CCDC158: variants seen among roughly 807,000 people sequenced by gnomAD.
CCDC158 encodes coiled-coil domain-containing protein 158.
A neutral mutation model predicts 138.6 loss-of-function variants in CCDC158; 116 were observed. The ratio of observed to expected loss-of-function variants is 0.84; its 90% CI spans 0.72 to 0.98. The LOEUF is 0.98. Ranked by LOEUF, CCDC158 falls within the 50% of genes least tolerant of loss-of-function variation. The pLI, the probability that CCDC158 is intolerant of heterozygous loss-of-function variation, is 0.00. For synonymous variants in CCDC158, 436 were observed against 442.4 expected (o/e 0.99, Z 0.18); for missense variants, 1,265 against 1,306.1 (o/e 0.97, Z 0.48).
chr4:76,382,029 C>T (rs1393428059), intron 8 of CCDC158, among the ~76,000 whole-genome samples: 1 of 152,164 alleles, frequency 6.6e-6, no homozygotes. Flanking sequence ...TGGGATATTA[C>T]AAATCTGAAT....
At chr4:76,375,511 T>C (rs899841584) in intron 9 of CCDC158, 5 of 699,642 alleles carry the variant, frequency 7.1e-6, no homozygotes, top group African/African-American at 7.0e-5. Context: ...CAGCCAGTGC[T>C]ACTAAATCAT....
Position 76,334,021 on chromosome 4 carries a change from C to T in CCDC158, c.2811G>A (p.Leu937=). ...GCACACAGCCTTACACAGCCACATA[C>T]AAGGCTCCCAGAGATGTTCTTCCAT... ...EEDGRTSLGA[L]YVAVEDRVRD... is the part of the protein sequence containing the mutation. The change falls in exon 19 of 25, where the codon TTG becomes TTA. Residue 937 remains leucine, a synonymous_variant. Coordinates refer to ENST00000682701, the MANE Select transcript of CCDC158 (RefSeq NM_001394954.1). 1 of 1,609,926 alleles carries T rather than the reference C, an allele frequency of 6.2e-7. No individual in the cohort carries two copies. Among genetic ancestry groups the T allele is most frequent in the South Asian group, 1.1e-5 (1 of 90,468 alleles).
intron 18 of CCDC158, among the ~76,000 whole-genome samples, chr4:76,348,932 T>C (rs1722814789): frequency 6.6e-6 from 1 of 152,168 alleles, no homozygotes; most frequent in African/African-American, 2.4e-5. Context: ...CTCAAATTGA[T>C]GAAGATTTCA....
chr4:76,342,105 C>T (rs185808290), intron 18 of CCDC158, among the ~76,000 whole-genome samples: 1 of 152,116 alleles, frequency 6.6e-6, no homozygotes, highest in African/African-American at 2.4e-5. Context: ...GAGTCCTACT[C>T]TGCTGCCCAG....
At chr4:76,396,613 C>G in intron 3 of CCDC158, 127 bp from the exon 4 acceptor site, 1 of 632,860 alleles carries the variant, frequency 1.6e-6, no homozygotes, top group Non-Finnish European at 2.7e-6. Context: ...CGGGTTCAAG[C>G]AATTCTCCTG....
chr4:76,363,611 G>A (rs1163827706), intron 12 of CCDC158, among the ~76,000 whole-genome samples: 5 of 152,108 alleles, frequency 3.3e-5, no homozygotes, highest in Non-Finnish European at 5.9e-5. Context: ...GACAGTCTGG[G>A]AAGAGCTCTG....
At chr4:76,326,786 C>G (rs984867617) in intron 22 of CCDC158, among the ~76,000 whole-genome samples, 1 of 152,044 alleles carries the variant, frequency 6.6e-6, no homozygotes, top group East Asian at 1.9e-4. Flanking sequence ...CTATACTCAG[C>G]AAAAATATTC....
At chr4:76,325,317 T>C (rs1354861382) in intron 23 of CCDC158, among the ~76,000 whole-genome samples, 2 of 152,238 alleles carry the variant, frequency 1.3e-5, no homozygotes, top group Non-Finnish European at 2.9e-5. Context: ...GTCACTGTCA[T>C]ACATGATGAG....
At chr4:76,346,770 A>G (rs533879564) in intron 18 of CCDC158, among the ~76,000 whole-genome samples, 35 of 152,284 alleles carry the variant, frequency 2.3e-4, no homozygotes, top group African/African-American at 7.7e-4. Context: ...AAATTTTTGC[A>G]ATCTATCTAT....
chr4:76,392,873 A>G (rs935988290), intron 4 of CCDC158, among the ~76,000 whole-genome samples: 1 of 152,024 alleles, frequency 6.6e-6, no homozygotes, highest in East Asian at 1.9e-4. Context: ...AAATCAAAAA[A>G]GTAATCCCAT....
intron 24 of CCDC158, among the ~76,000 whole-genome samples, chr4:76,319,582 G>C: frequency 7.7e-6 from 1 of 130,162 alleles, no homozygotes; most frequent in Non-Finnish European, 1.6e-5. Context: ...ATATCAAAAA[G>C]ATAATACACC....
intron 24 of CCDC158, among the ~76,000 whole-genome samples, chr4:76,314,179 G>T (rs961703561): frequency 1.3e-5 from 2 of 152,128 alleles, no homozygotes; most frequent in Non-Finnish European, 2.9e-5. Flanking sequence ...TTCAAGAGGC[G>T]TCCCATCCAG....
chr4:76,368,110 T>C (rs1329175547), intron 11 of CCDC158, among the ~76,000 whole-genome samples: 3 of 152,122 alleles, frequency 2.0e-5, no homozygotes, highest in Non-Finnish European at 4.4e-5. Context: ...CATATGCTAA[T>C]TAGACCAAGG....
At chr4:76,320,294 A>T (rs1010361198) in intron 24 of CCDC158, among the ~76,000 whole-genome samples, 11 of 152,210 alleles carry the variant, frequency 7.2e-5, no homozygotes, top group African/African-American at 2.7e-4. Context: ...ATCATAGACA[A>T]CACACACAAA....
At chr4:76,393,202 TG>T (rs898401364) in intron 4 of CCDC158, among the ~76,000 whole-genome samples, 8 of 151,812 alleles carry the variant, frequency 5.3e-5, no homozygotes, top group Non-Finnish European at 1.5e-5. Context: ...AGAATAAAAC[TG>T]GGGGAATCAC....
chr4:76,345,472 C>T (rs901027545), intron 18 of CCDC158: 28 of 935,194 alleles, frequency 3.0e-5, no homozygotes, highest in Admixed American at 2.2e-4. Context: ...AATTTCAAAC[C>T]GAAGAGAGTG....
At chr4:76,372,917 C>T (rs113006578) in intron 9 of CCDC158, among the ~76,000 whole-genome samples, 4,022 of 152,104 alleles carry the variant, frequency 0.026, 174 homozygotes, top group African/African-American at 0.092. Flanking sequence ...GGCACGATCT[C>T]GGCTCACTGC....
At chr4:76,418,610 T>C (rs758641791) in intron 1 of CCDC158, among the ~76,000 whole-genome samples, 47 of 152,174 alleles carry the variant, frequency 3.1e-4, no homozygotes, top group Non-Finnish European at 5.7e-4. Flanking sequence ...GGAAGTCTTA[T>C]GTGGCGGCAG....
At chr4:76,321,764 T>TATA (rs1560779944) in intron 24 of CCDC158, among the ~76,000 whole-genome samples, 18 of 146,078 alleles carry the variant, frequency 1.2e-4, no homozygotes, top group African/African-American at 3.7e-4. Context: ...TATATATTTT[T>TATA]TATATATATA....
Sources: gnomAD v4.1 joint callset for allele counts (sites outside exome capture counted in the v4.1 genomes callset) on GRCh38, gnomAD v4.1.1 for gene constraint, MANE v1.5 for transcripts, NCBI Gene and HGNC (gene_info 2026-07-23, HGNC 2026-07-21) for gene names.